The following PIP5K1C variants were observed in gnomAD, a reference collection of about 807,000 sequenced individuals.
The protein encoded by PIP5K1C is phosphatidylinositol-4-phosphate 5-kinase type 1 gamma, also known as phosphatidylinositol 4-phosphate 5-kinase type-1 gamma.
A neutral mutation model predicts 80.1 loss-of-function variants in PIP5K1C; 45 were observed. That is an observed-to-expected ratio of 0.56 (90% CI 0.44 to 0.72). PIP5K1C has a LOEUF of 0.72. Ranked by LOEUF, PIP5K1C falls within the 30% of genes least tolerant of loss-of-function variation. The pLI is 0.00. For synonymous variants in PIP5K1C, 498 were observed against 420.1 expected (o/e 1.19, Z -2.27); for missense variants, 753 against 954.6 (o/e 0.79, Z 2.78).
chr19:3,694,789 C>T (rs2145621830), intron 1 of PIP5K1C, among the ~76,000 whole-genome samples: 1 of 152,368 alleles, frequency 6.6e-6, no homozygotes, highest in South Asian at 2.1e-4. Context: ...GGGACAGTCA[C>T]CTCCCTCCGA....
At chr19:3,660,118 C>T (rs1396573100) in intron 5 of PIP5K1C, among the ~76,000 whole-genome samples, 1 of 152,148 alleles carries the variant, frequency 6.6e-6, no homozygotes, top group African/African-American at 2.4e-5. Context: ...CGGTAGCTCA[C>T]GCCTCTAATC....
intron 1 of PIP5K1C, among the ~76,000 whole-genome samples, chr19:3,682,722 G>A (rs2035625124): frequency 1.3e-5 from 2 of 152,190 alleles, no homozygotes; most frequent in East Asian, 1.9e-4. Context: ...ATAAAGAGCA[G>A]AAGCTCTCTT....
In PIP5K1C at chr19:3,659,689, G is replaced by A. The variant is rs557035200; in HGVS notation, c.468+1277C>T. 5.9e-5 allele frequency among the ~76,000 whole-genome samples: 9 copies of A among 152,230 alleles called. No individual in the cohort carries two copies. The South Asian group carries it at 6.2e-4, about 11-fold the overall frequency. ...CACGACCCGGAGCATGGTGACTCCC[G>A]GGCACCTGAACAGGCTGGAGTTCTC... On this transcript the variant is annotated intron_variant, in intron 5 of 17. Coordinates refer to ENST00000335312, the MANE Select transcript of PIP5K1C (RefSeq NM_012398.3).
Position 3,692,064 on chromosome 19 carries a change from C to T in PIP5K1C, c.94+8233G>A, listed in dbSNP as rs554190029. ...GGAAGGGTGCACAGTGGGAGCTGCC[C>T]GCTCACGTCCCTGTCCCCACTCCCT... On this transcript the variant is annotated intron_variant, in intron 1 of 17. Transcript: ENST00000335312. The surrounding 1 kb of genome is among the most constrained non-coding windows in gnomAD (Gnocchi z 5.2). 3.9e-5 allele frequency among the ~76,000 whole-genome samples: 6 copies of T among 152,206 alleles called. No homozygotes were observed. The highest frequency in any genetic ancestry group is 7.4e-5 in the Non-Finnish European group (5 of 68,024).
At chr19:3,639,809 T>C (rs1482874792) in intron 15 of PIP5K1C, among the ~76,000 whole-genome samples, 4 of 152,092 alleles carry the variant, frequency 2.6e-5, no homozygotes, top group Non-Finnish European at 5.9e-5. Context: ...TCATGGGGGA[T>C]GGAGAGGGTG....
At position 3,631,491 on chromosome 19, in the gene PIP5K1C, C is replaced by G. The variant is rs2033467184; in HGVS notation, c.*1676G>C. ...CTGTGAACTGAGGCCAAGGTCGCTT[C>G]CCAGGGCTGGACAGACCCTCTGAGC... On this transcript the variant is annotated 3_prime_UTR_variant, in exon 18 of 18. Transcript: ENST00000335312. 6.6e-6 allele frequency: 1 copy of G among 152,440 alleles called. No individual in the cohort carries two copies. The highest frequency in any genetic ancestry group is 1.5e-5 in the Non-Finnish European group (1 of 68,214). The allele number at this position is 152,440 out of a possible 1,614,324, so 9.4% of individuals were successfully genotyped here. A position where few individuals can be genotyped will look rare whatever the true frequency, so the allele number is the denominator to read the frequency against.
intron 11 of PIP5K1C, among the ~76,000 whole-genome samples, chr19:3,645,579 C>T (rs1356843991): frequency 6.6e-6 from 1 of 152,206 alleles, no homozygotes; most frequent in Non-Finnish European, 1.5e-5. Flanking sequence ...GTTTCCTTGG[C>T]GATGGTGATG....
intron 2 of PIP5K1C, 37 bp from the exon 3 acceptor site, chr19:3,664,951 G>A (rs746440347): frequency 6.0e-6 from 9 of 1,511,002 alleles, no homozygotes; most frequent in Non-Finnish European, 8.3e-6. Flanking sequence ...ACTCCCTAAG[G>A]AGCACGCCCA....
intron 1 of PIP5K1C, among the ~76,000 whole-genome samples, chr19:3,684,019 C>CT (rs2035676403): frequency 6.6e-6 from 1 of 151,344 alleles, no homozygotes; most frequent in Non-Finnish European, 1.5e-5. Flanking sequence ...AGTGCTGACT[C>CT]TGTCTCTGCA....
chr19:3,698,054 C>T (rs1000579671), intron 1 of PIP5K1C, among the ~76,000 whole-genome samples: 7 of 152,258 alleles, frequency 4.6e-5, no homozygotes, highest in Admixed American at 2.0e-4. Context: ...CCGTGGGAAA[C>T]GGGCAGCCTC....
rs2033766140 is a variant in PIP5K1C, at chr19:3,637,809, C to A, written c.1920+1075G>T. ...AGGACCCTTCTCCCTTCTCTGCTGC[C>A]CACCTGGCAGGGCATCAGGACACAG... On this transcript the variant is annotated intron_variant, in intron 16 of 17. Coordinates refer to ENST00000335312, the MANE Select transcript of PIP5K1C (RefSeq NM_012398.3). The surrounding 1 kb of genome is among the most constrained non-coding windows in gnomAD (Gnocchi z 7.0). The A allele has an allele frequency of 6.5e-7, 1 of 1,534,816 alleles. No homozygotes were observed. The highest frequency in any genetic ancestry group is 1.4e-5 in the African/African-American group (1 of 72,986).
Position 3,648,855 on chromosome 19 carries a change from G to A in PIP5K1C, c.1128-147C>T. The A allele has an allele frequency of 1.5e-6, 1 of 673,564 alleles. No individual in the cohort carries two copies. The highest frequency in any genetic ancestry group is 2.7e-6 in the Non-Finnish European group (1 of 374,904). 41.7% of individuals were successfully genotyped at this position (673,564 alleles called of 1,614,324 possible). A position where few individuals can be genotyped will look rare whatever the true frequency, so the allele number is the denominator to read the frequency against. On this transcript the variant is annotated intron_variant, in intron 8 of 17. Coordinates refer to ENST00000335312, the MANE Select transcript of PIP5K1C (RefSeq NM_012398.3). This position sits in a 1 kb window ranked among gnomAD's most constrained non-coding sequence, Gnocchi z 4.3. ...TCTCGGAGTGGGGCCTGGCACCCGG[G>A]AACCTCTGTCCTGACATCCCTCCAT...
At chr19:3,633,409 C>T (rs2033530921) in intron 17 of PIP5K1C, 28 bp downstream of exon 17, 2 of 1,405,606 alleles carry the variant, frequency 1.4e-6, no homozygotes, top group East Asian at 2.6e-5. Flanking sequence ...GCCCACGGGA[C>T]CGGCGGGTGC....
At chr19:3,635,701 T>C (rs1173588863) in intron 16 of PIP5K1C, among the ~76,000 whole-genome samples, 2 of 141,416 alleles carry the variant, frequency 1.4e-5, no homozygotes, top group African/African-American at 5.4e-5. Context: ...CAAACAAGGC[T>C]GGGCGCGGTG....
intron 3 of PIP5K1C, among the ~76,000 whole-genome samples, chr19:3,664,312 A>G (rs1337672885): frequency 6.6e-6 from 1 of 152,240 alleles, no homozygotes; most frequent in Admixed American, 6.5e-5. Context: ...CTGCATATGT[A>G]CTAAAAGTCA....
intron 1 of PIP5K1C, among the ~76,000 whole-genome samples, chr19:3,670,456 C>T (rs2035170165): frequency 6.6e-6 from 1 of 152,168 alleles, no homozygotes; most frequent in African/African-American, 2.4e-5. Context: ...CCAAGGATGC[C>T]CGGAGGCACC....
chr19:3,661,934 G>A lies in PIP5K1C; in HGVS notation c.287C>T (p.Ser96Phe), dbSNP rs1378619735. 1.2e-6 allele frequency: 2 copies of A among 1,612,434 alleles called. No homozygotes were observed. Among genetic ancestry groups the A allele is most frequent in the Non-Finnish European group, 1.7e-6 (2 of 1,179,794 alleles). Reference sequence around the variant, plus strand: ...CATGAGCACGTCGCGTTCGGGCTTGGAGCTCAGGTGGCCCACGGTGTAGCC... The same window carrying A: ...CATGAGCACGTCGCGTTCGGGCTTGAAGCTCAGGTGGCCCACGGTGTAGCC... ...GIGYTVGHLSSKPERDVLMQD... is the reference protein window; with the variant it reads ...GIGYTVGHLSFKPERDVLMQD... Residue 96 changes from serine to phenylalanine, a missense_variant, in exon 4 of 18, where the codon TCC (serine) becomes TTC (phenylalanine). Around this residue, in one of 6 missense-constraint regions of PIP5K1C, gnomAD observed 139 missense variants for 289.7 expected, o/e 0.48. Coordinates refer to ENST00000335312, the MANE Select transcript of PIP5K1C (RefSeq NM_012398.3).
chr19:3,647,265 G>GGGAGGAGGGTGCAGGCACTCACAGGA, intron 10 of PIP5K1C, 73 bp downstream of exon 10: 1 of 1,340,416 alleles, frequency 7.5e-7, no homozygotes, highest in Non-Finnish European at 1.0e-6. Context: ...GAGGAGGGAT[G>GGGAGGAGGGTGCAGGCACTCACAGGA]GGAGGAGGGT....
At position 3,651,283 on chromosome 19, in the gene PIP5K1C, G is replaced by A. The variant is rs75639946; in HGVS notation, c.1127+543C>T. Among the ~76,000 whole-genome samples, 757 of 152,184 alleles carry A rather than the reference G, an allele frequency of 5.0e-3. 35 individuals are homozygous for A. The East Asian group carries it at 0.12, about 24-fold the overall frequency. On this transcript the variant is annotated intron_variant, in intron 8 of 17. Coordinates refer to ENST00000335312, the MANE Select transcript of PIP5K1C (RefSeq NM_012398.3). The stretch of plus-strand genomic sequence containing the variant: ...GTTGCCCAGGCTGGTACTGAACTCC[G>A]GGGCTGAGGCAATCCTCCCACCTTG...
Sources: allele counts gnomAD v4.1 joint callset (sites outside exome capture counted in the v4.1 genomes callset), GRCh38; gene constraint gnomAD v4.1.1; regional missense constraint gnomAD v4.1.1; non-coding constraint Gnocchi (gnomAD v3.1); transcripts MANE v1.5; gene names NCBI Gene and HGNC (gene_info 2026-07-23, HGNC 2026-07-21).